Variants in GPC5 observed in about 807,000 individuals in gnomAD.
GPC5 encodes glypican 5.
Under a neutral mutation model 53.9 loss-of-function variants are expected in GPC5, and 47 were observed. The ratio of observed to expected loss-of-function variants is 0.87; its 90% CI spans 0.69 to 1.11. GPC5 has a LOEUF of 1.11. Among genes scored for constraint, GPC5 ranks in the 50% most tolerant of loss-of-function variants. The probability of loss-of-function intolerance (pLI) is 0.00; values close to 1 mark genes in which losing one functional copy is unlikely to be tolerated. For missense variants in GPC5, 748 were observed against 713.1 expected (o/e 1.05, Z -0.56); for synonymous variants, 286 against 263.3 (o/e 1.09, Z -0.84).
intron 7 of GPC5, among the ~76,000 whole-genome samples, chr13:92,195,879 C>T (rs2042253315): frequency 6.6e-6 from 1 of 152,090 alleles, no homozygotes; most frequent in Admixed American, 6.6e-5. Context: ...CTTATGTGCT[C>T]ACTGTGTACC....
chr13:92,622,410 A>C (rs1884904984), intron 7 of GPC5, among the ~76,000 whole-genome samples: 1 of 152,150 alleles, frequency 6.6e-6, no homozygotes, highest in African/African-American at 2.4e-5. Flanking sequence ...CTACAACTTT[A>C]TAAATAGTTC....
At chr13:92,453,275 A>G (rs1370339801) in intron 7 of GPC5, among the ~76,000 whole-genome samples, 2 of 152,204 alleles carry the variant, frequency 1.3e-5, no homozygotes, top group African/African-American at 2.4e-5. Flanking sequence ...TGTCTAAATA[A>G]CATGCCTTCT....
chr13:92,282,377 A>T (rs370021671), intron 7 of GPC5, among the ~76,000 whole-genome samples: 1 of 152,162 alleles, frequency 6.6e-6, no homozygotes, highest in Non-Finnish European at 1.5e-5. Context: ...CCAACATTCA[A>T]ATTCAGGAAA....
intron 2 of GPC5, among the ~76,000 whole-genome samples, chr13:91,494,268 A>G (rs969892762): frequency 6.6e-6 from 1 of 151,250 alleles, no homozygotes; most frequent in Non-Finnish European, 1.5e-5. Context: ...CACAAGATCT[A>G]TCTCCTCTCT....
At chr13:92,396,267 C>T (rs1378611864) in intron 7 of GPC5, among the ~76,000 whole-genome samples, 2 of 152,110 alleles carry the variant, frequency 1.3e-5, no homozygotes, top group African/African-American at 4.8e-5. Flanking sequence ...CTTGTAAAGC[C>T]ATGAAAGGCA....
At chr13:92,575,913 G>A (rs185110754) in intron 7 of GPC5, among the ~76,000 whole-genome samples, 5 of 152,258 alleles carry the variant, frequency 3.3e-5, no homozygotes, top group Admixed American at 3.3e-4. Flanking sequence ...CTGGCACATA[G>A]AGTATGCATT....
In GPC5 at chr13:92,357,003, T is replaced by C. The variant is rs948646293; in HGVS notation, c.1561+212014T>C. Among the ~76,000 whole-genome samples, 29 of 148,130 alleles carry C rather than the reference T, an allele frequency of 2.0e-4. 1 individual carries two copies. The highest frequency in any genetic ancestry group is 7.7e-4 in the African/African-American group (29 of 37,574). On this transcript the variant is annotated intron_variant, in intron 7 of 7. Coordinates refer to ENST00000377067, the MANE Select transcript of GPC5 (RefSeq NM_004466.6). The stretch of plus-strand genomic sequence containing the variant: ...TACTCCTGCATTAGTTTGTTATGGA[T>C]GATGGCCTTCAACTCCATCCATGTT...
At chr13:91,448,146 A>G (rs1301567488) in intron 1 of GPC5, among the ~76,000 whole-genome samples, 1 of 152,240 alleles carries the variant, frequency 6.6e-6, no homozygotes, top group Non-Finnish European at 1.5e-5. Flanking sequence ...TTGTACAACT[A>G]AAAAGTGCTT....
intron 7 of GPC5, among the ~76,000 whole-genome samples, chr13:92,485,479 A>C (rs573163622): frequency 6.6e-6 from 1 of 152,296 alleles, no homozygotes; most frequent in African/African-American, 2.4e-5. Flanking sequence ...ATAACATCAC[A>C]AGTTCATCAA....
At chr13:92,133,201 T>C (rs2041758511) in intron 6 of GPC5, among the ~76,000 whole-genome samples, 1 of 152,184 alleles carries the variant, frequency 6.6e-6, no homozygotes, top group Non-Finnish European at 1.5e-5. Context: ...GGCTTTCAAT[T>C]TGGCATATCT....
chr13:92,063,431 T>C (rs1440624356), intron 6 of GPC5, among the ~76,000 whole-genome samples: 4 of 152,238 alleles, frequency 2.6e-5, no homozygotes, highest in African/African-American at 9.6e-5. Context: ...AAAATCACTC[T>C]GGGCCTACTG....
intron 7 of GPC5, among the ~76,000 whole-genome samples, chr13:92,401,299 G>C (rs1875547653): frequency 6.6e-6 from 1 of 151,642 alleles, no homozygotes; most frequent in Non-Finnish European, 1.5e-5. Flanking sequence ...ATAGTACTAT[G>C]ACCTTTCCTG....
chr13:92,506,903 A>G (rs1479425326), intron 7 of GPC5, among the ~76,000 whole-genome samples: 1 of 152,214 alleles, frequency 6.6e-6, no homozygotes, highest in African/African-American at 2.4e-5. Flanking sequence ...TTATTGGAAT[A>G]TTAGAATTAT....
At chr13:92,491,312 G>T (rs1158799232) in intron 7 of GPC5, among the ~76,000 whole-genome samples, 1 of 151,744 alleles carries the variant, frequency 6.6e-6, no homozygotes, top group Non-Finnish European at 1.5e-5. Flanking sequence ...ACAAAAATAG[G>T]GACTAATAAA....
At chr13:91,628,444 G>C (rs1014910816) in intron 2 of GPC5, among the ~76,000 whole-genome samples, 3 of 151,858 alleles carry the variant, frequency 2.0e-5, no homozygotes, top group African/African-American at 7.3e-5. Flanking sequence ...ATATCATGTA[G>C]CTATGTTTAA....
At chr13:92,351,876 T>C (rs1010128138) in intron 7 of GPC5, among the ~76,000 whole-genome samples, 1 of 152,072 alleles carries the variant, frequency 6.6e-6, no homozygotes, top group Non-Finnish European at 1.5e-5. Flanking sequence ...AAGATGACAA[T>C]AGTGTGAAAT....
intron 7 of GPC5, among the ~76,000 whole-genome samples, chr13:92,680,985 G>T (rs1193012380): frequency 1.7e-4 from 26 of 151,752 alleles, no homozygotes; most frequent in South Asian, 4.2e-4. Context: ...CCTCCAAACT[G>T]GTCAGCATCC....
chr13:92,369,851 C>T (rs959801750), intron 7 of GPC5, among the ~76,000 whole-genome samples: 3 of 152,158 alleles, frequency 2.0e-5, no homozygotes, highest in Non-Finnish European at 1.5e-5. Flanking sequence ...CAAAGGCCAA[C>T]AAGAATTTAC....
intron 6 of GPC5, among the ~76,000 whole-genome samples, chr13:91,937,652 GA>G (rs2039883512): frequency 6.6e-6 from 1 of 152,104 alleles, no homozygotes; most frequent in African/African-American, 2.4e-5. Flanking sequence ...TTAGGAGAGA[GA>G]AAATGGATTT....
Sources: gnomAD v4.1 joint callset for allele counts (sites outside exome capture counted in the v4.1 genomes callset) on GRCh38, gnomAD v4.1.1 for gene constraint, MANE v1.5 for transcripts, NCBI Gene and HGNC (gene_info 2026-07-23, HGNC 2026-07-21) for gene names.